LARGE1: variants seen among roughly 807,000 people sequenced by gnomAD.
The protein encoded by LARGE1 is LARGE xylosyl- and glucuronyltransferase 1, also known as xylosyl- and glucuronyltransferase LARGE1.
In LARGE1, 43 loss-of-function variants were observed where a neutral mutation model predicts 87.6. The ratio of observed to expected loss-of-function variants is 0.49; its 90% CI spans 0.38 to 0.63. The LOEUF (loss-of-function observed/expected upper bound fraction) is 0.63, where lower values mean the gene tolerates loss of function less well. Ranked by LOEUF, LARGE1 falls within the 30% of genes least tolerant of loss-of-function variation. LARGE1 has a pLI of 0.00. For synonymous variants in LARGE1, 434 were observed against 394.6 expected (o/e 1.10, Z -1.18); for missense variants, 802 against 1,000.2 (o/e 0.80, Z 2.67).
intron 7 of LARGE1, among the ~76,000 whole-genome samples, chr22:33,408,028 T>C (rs562689911): frequency 1.3e-3 from 199 of 151,522 alleles, no homozygotes; most frequent in Non-Finnish European, 2.3e-3. Context: ...TCGCCCAGGC[T>C]GGAGTGCAGT....
At chr22:33,550,139 G>GTA (rs886777783) in intron 6 of LARGE1, among the ~76,000 whole-genome samples, 1 of 102,556 alleles carries the variant, frequency 9.8e-6, no homozygotes, top group African/African-American at 3.7e-5. Context: ...AGAACTTAAA[G>GTA]TATACACACA....
At chr22:33,214,902 G>A (rs1043159344) in intron 11 of LARGE1, among the ~76,000 whole-genome samples, 1 of 152,166 alleles carries the variant, frequency 6.6e-6, no homozygotes, top group African/African-American at 2.4e-5. Context: ...CCAGAAAGCA[G>A]GGAGTAAAGA....
At chr22:33,152,661 C>T in the LARGE1 span, among the ~76,000 whole-genome samples, 2 of 151,984 alleles carry the variant, frequency 1.3e-5, no homozygotes, top group African/African-American at 4.8e-5. Flanking sequence ...TTTTGGTATA[C>T]ATGTGCAATG....
chr22:33,228,800 T>C (rs1409141712), intron 11 of LARGE1, among the ~76,000 whole-genome samples: 1 of 152,144 alleles, frequency 6.6e-6, no homozygotes, highest in Non-Finnish European at 1.5e-5. Context: ...CTGGGAATTT[T>C]ACAACCACAC....
chr22:33,205,320 G>A (rs1389076782), intron 11 of LARGE1, among the ~76,000 whole-genome samples: 1 of 152,148 alleles, frequency 6.6e-6, no homozygotes, highest in Non-Finnish European at 1.5e-5. Context: ...CCAGCCACAG[G>A]GAAAGTCTCT....
At chr22:33,103,534 A>G in the LARGE1 span, among the ~76,000 whole-genome samples, 1 of 150,904 alleles carries the variant, frequency 6.6e-6, no homozygotes. Context: ...CAGGTTGGTC[A>G]CTGAGGAAGG....
At chr22:33,708,852 G>C (rs2082641304) in intron 2 of LARGE1, among the ~76,000 whole-genome samples, 1 of 152,144 alleles carries the variant, frequency 6.6e-6, no homozygotes, top group Non-Finnish European at 1.5e-5. Context: ...GCCCGCCTTG[G>C]CCTCCCAAAG....
At chr22:33,447,517 C>G (rs2067732861) in intron 6 of LARGE1, among the ~76,000 whole-genome samples, 1 of 152,210 alleles carries the variant, frequency 6.6e-6, no homozygotes, top group East Asian at 1.9e-4. Context: ...GGCTCTGCAG[C>G]TCTGGTAACC....
At chr22:33,645,241 C>CA (rs1442208034) in intron 3 of LARGE1, among the ~76,000 whole-genome samples, 61 of 152,256 alleles carry the variant, frequency 4.0e-4, no homozygotes, top group Middle Eastern at 3.4e-3. Context: ...GGTACCAAAA[C>CA]AGATATATAG....
chr22:33,421,214 C>A (rs745465908), intron 7 of LARGE1, among the ~76,000 whole-genome samples: 8 of 55,550 alleles, frequency 1.4e-4, no homozygotes, highest in Non-Finnish European at 2.1e-4. Context: ...AAAATAAAAT[C>A]AATCAATCAA....
At chr22:33,224,232 C>T (rs1025112875) in intron 11 of LARGE1, among the ~76,000 whole-genome samples, 1 of 151,930 alleles carries the variant, frequency 6.6e-6, no homozygotes, top group Non-Finnish European at 1.5e-5. Context: ...CGCCACTGCA[C>T]TCCAGCCTGG....
chr22:33,473,638 T>C (rs1340865976), intron 6 of LARGE1, among the ~76,000 whole-genome samples: 3 of 152,054 alleles, frequency 2.0e-5, no homozygotes, highest in Non-Finnish European at 4.4e-5. Flanking sequence ...AGAGGTGGGG[T>C]TTCACCACGT....
At chr22:33,767,667 T>C (rs1232603054) in intron 1 of LARGE1, among the ~76,000 whole-genome samples, 1 of 152,070 alleles carries the variant, frequency 6.6e-6, no homozygotes, top group African/African-American at 2.4e-5. Flanking sequence ...GCATCATGGA[T>C]GTTAGAAATA....
chr22:33,493,307 C>T (rs576044854), intron 6 of LARGE1, among the ~76,000 whole-genome samples: 7 of 151,782 alleles, frequency 4.6e-5, no homozygotes, highest in South Asian at 2.1e-4. Flanking sequence ...ATTACAGGCG[C>T]GCGCCACTAT....
chr22:33,862,301 A>C (rs2063952820), intron 1 of LARGE1, among the ~76,000 whole-genome samples: 1 of 152,214 alleles, frequency 6.6e-6, no homozygotes, highest in Admixed American at 6.5e-5. Context: ...CATGGGAGCA[A>C]AGGAAGACTC....
At chr22:33,792,016 G>A (rs1240458781) in intron 1 of LARGE1, among the ~76,000 whole-genome samples, 1 of 152,166 alleles carries the variant, frequency 6.6e-6, no homozygotes, top group Admixed American at 6.5e-5. Context: ...GTGAGAAATA[G>A]ATGCCCAGAG....
the LARGE1 span, among the ~76,000 whole-genome samples, chr22:33,142,073 C>G: frequency 1.3e-5 from 2 of 152,100 alleles, no homozygotes; most frequent in Non-Finnish European, 2.9e-5. Flanking sequence ...TACCCTAAGC[C>G]TGGCTTTCTG....
intron 11 of LARGE1, among the ~76,000 whole-genome samples, chr22:33,167,296 T>G (rs1287618135): frequency 6.6e-6 from 1 of 152,194 alleles, no homozygotes; most frequent in Non-Finnish European, 1.5e-5. Context: ...CTTCTATCAC[T>G]TCAATTTTAC....
intron 1 of LARGE1, among the ~76,000 whole-genome samples, chr22:33,765,966 C>A (rs927040299): frequency 1.3e-5 from 2 of 152,016 alleles, no homozygotes; most frequent in Non-Finnish European, 2.9e-5. Flanking sequence ...GAAATTAAAC[C>A]CAGCAGGTAA....
Sources: gnomAD v4.1 joint callset for allele counts (sites outside exome capture counted in the v4.1 genomes callset) on GRCh38, gnomAD v4.1.1 for gene constraint, MANE v1.5 for transcripts, NCBI Gene and HGNC (gene_info 2026-07-23, HGNC 2026-07-21) for gene names.